Variants in HDAC9 observed in about 807,000 individuals in gnomAD.
HDAC9 encodes MEF-2 interacting transcription repressor (MITR) protein.
Under a neutral mutation model 139.4 loss-of-function variants are expected in HDAC9, and 41 were observed. That is an observed-to-expected ratio of 0.29 (90% CI 0.23 to 0.38). The LOEUF is 0.38. HDAC9 is among the 10% of genes least tolerant of loss of function. The pLI, the probability that HDAC9 is intolerant of heterozygous loss-of-function variation, is 1.00. For synonymous variants in HDAC9, 517 were observed against 476.2 expected (o/e 1.09, Z -1.12); for missense variants, 1,147 against 1,297.0 (o/e 0.88, Z 1.78).
At chr7:18,927,983 T>C (rs759844513) in intron 22 of HDAC9, among the ~76,000 whole-genome samples, 13 of 152,174 alleles carry the variant, frequency 8.5e-5, no homozygotes, top group Non-Finnish European at 1.5e-4. Context: ...CAACAAATGT[T>C]TAAGTAGAAG....
intron 2 of HDAC9, among the ~76,000 whole-genome samples, chr7:18,269,376 A>G (rs1462887257): frequency 6.6e-6 from 1 of 152,210 alleles, no homozygotes; most frequent in East Asian, 1.9e-4. Context: ...GCAATTGAGC[A>G]GGTAGTTAAA....
At chr7:18,418,370 C>G (rs1789288439) in intron 1 of HDAC9, among the ~76,000 whole-genome samples, 1 of 138,632 alleles carries the variant, frequency 7.2e-6, no homozygotes, top group Non-Finnish European at 1.5e-5. Flanking sequence ...TTACTTTTTT[C>G]TTTTCAGAAA....
intron 1 of HDAC9, among the ~76,000 whole-genome samples, chr7:18,296,213 A>C (rs1281640259): frequency 1.3e-5 from 2 of 152,182 alleles, no homozygotes; most frequent in African/African-American, 4.8e-5. Context: ...ACAGTGCTCC[A>C]CCCAGTGCAT....
At chr7:18,738,654 T>C (rs1438308988) in intron 13 of HDAC9, among the ~76,000 whole-genome samples, 1 of 152,248 alleles carries the variant, frequency 6.6e-6, no homozygotes, top group African/African-American at 2.4e-5. Flanking sequence ...GGCTTCCCTT[T>C]GTGGGTAACC....
intron 24 of HDAC9, among the ~76,000 whole-genome samples, chr7:18,955,803 G>A (rs1016690022): frequency 1.6e-4 from 24 of 152,092 alleles, no homozygotes; most frequent in African/African-American, 5.6e-4. Context: ...GTTGCTTGAC[G>A]GTGATATAGC....
intron 17 of HDAC9, among the ~76,000 whole-genome samples, chr7:18,827,024 G>C (rs1003885637): frequency 8.6e-5 from 13 of 151,748 alleles, no homozygotes; most frequent in African/African-American, 3.1e-4. Context: ...ACTCCAAGGT[G>C]GGTTGAATGC....
chr7:18,325,932 G>A (rs147484832), intron 1 of HDAC9, among the ~76,000 whole-genome samples: 46 of 152,118 alleles, frequency 3.0e-4, no homozygotes, highest in Non-Finnish European at 5.7e-4. Flanking sequence ...TTGTGTAAGT[G>A]CACTCTGTGA....
Position 18,666,268 on chromosome 7 carries a change from CAGAGGAAGA to C in HDAC9, c.1524_1532del (p.Glu509_Glu511del), listed in dbSNP as rs1278738986. On this transcript the variant is annotated inframe_deletion, in exon 12 of 26. Transcript: ENST00000686413. Reference sequence around the variant, plus strand: ...CAACCAGGCAGTCACCTTGAGGAAGCAGAGGAAGAGCTTCAGGGGGACCAGGCGATGCAG... The same window carrying C: ...CAACCAGGCAGTCACCTTGAGGAAGCGCTTCAGGGGGACCAGGCGATGCAG... The C allele has an allele frequency of 1.9e-6, 3 of 1,613,366 alleles. No individual in the cohort carries two copies. The highest frequency in any genetic ancestry group is 8.5e-7 in the Non-Finnish European group (1 of 1,179,536).
intron 2 of HDAC9, among the ~76,000 whole-genome samples, chr7:18,197,433 T>G (rs1207668618): frequency 6.6e-6 from 1 of 152,204 alleles, no homozygotes; most frequent in Non-Finnish European, 1.5e-5. Context: ...GAAGTGATAT[T>G]GGAGATTCAA....
intron 23 of HDAC9, among the ~76,000 whole-genome samples, chr7:18,944,114 C>T (rs1782208476): frequency 6.6e-6 from 1 of 152,158 alleles, no homozygotes; most frequent in Admixed American, 6.5e-5. Context: ...TTGCAGACTT[C>T]TCTAAGACAA....
At chr7:18,490,012 C>T (rs1184470617) in intron 1 of HDAC9, among the ~76,000 whole-genome samples, 6 of 152,060 alleles carry the variant, frequency 3.9e-5, no homozygotes, top group African/African-American at 1.4e-4. Flanking sequence ...GTCTTTCATA[C>T]TCCGAATATT....
intron 6 of HDAC9, among the ~76,000 whole-genome samples, chr7:18,600,674 T>A (rs1833712201): frequency 6.6e-6 from 1 of 152,248 alleles, no homozygotes; most frequent in Non-Finnish European, 1.5e-5. Context: ...TCTTGATTAC[T>A]GTAACTTCAT....
chr7:18,806,444 TC>T (rs1793716992), intron 17 of HDAC9, among the ~76,000 whole-genome samples: 1 of 152,060 alleles, frequency 6.6e-6, no homozygotes, highest in Non-Finnish European at 1.5e-5. Flanking sequence ...TGCCCTTAGC[TC>T]CTAGAGTACT....
At chr7:18,209,852 C>T (rs1791809127) in intron 2 of HDAC9, among the ~76,000 whole-genome samples, 1 of 152,054 alleles carries the variant, frequency 6.6e-6, no homozygotes, top group Non-Finnish European at 1.5e-5. Flanking sequence ...GGGCGCCCGC[C>T]ACCACGCCTG....
At chr7:18,632,852 T>G (rs1352644892) in intron 7 of HDAC9, among the ~76,000 whole-genome samples, 2 of 151,890 alleles carry the variant, frequency 1.3e-5, no homozygotes, top group African/African-American at 4.8e-5. Flanking sequence ...AGTGTAAAGA[T>G]CACATTAAAA....
At chr7:18,774,317 T>C (rs1790573110) in intron 16 of HDAC9, among the ~76,000 whole-genome samples, 1 of 152,044 alleles carries the variant, frequency 6.6e-6, no homozygotes, top group African/African-American at 2.4e-5. Context: ...CTGAAATCAT[T>C]TGGTGAATTT....
chr7:18,865,568 A>G (rs1000666792), intron 21 of HDAC9, among the ~76,000 whole-genome samples: 1 of 152,106 alleles, frequency 6.6e-6, no homozygotes, highest in Non-Finnish European at 1.5e-5. Flanking sequence ...TGCCCATGGT[A>G]AACCTTCATT....
intron 2 of HDAC9, among the ~76,000 whole-genome samples, chr7:18,267,848 T>G (rs1485664477): frequency 6.6e-6 from 1 of 152,162 alleles, no homozygotes; most frequent in Non-Finnish European, 1.5e-5. Context: ...GGAAATATTT[T>G]GTGCTTCTGC....
chr7:18,834,738 GT>G (rs1482557404), intron 19 of HDAC9, among the ~76,000 whole-genome samples: 1 of 152,144 alleles, frequency 6.6e-6, no homozygotes, highest in Non-Finnish European at 1.5e-5. Flanking sequence ...TTGTGTTACC[GT>G]TTTATCAAAA....
Sources: allele counts gnomAD v4.1 joint callset (sites outside exome capture counted in the v4.1 genomes callset), GRCh38; gene constraint gnomAD v4.1.1; transcripts MANE v1.5; gene names NCBI Gene and HGNC (gene_info 2026-07-23, HGNC 2026-07-21).